The following NUP153 variants were observed in gnomAD, a reference collection of about 807,000 sequenced individuals.
NUP153 encodes the protein nuclear pore complex protein Nup153.
Under a neutral mutation model 134.6 loss-of-function variants are expected in NUP153, and 27 were observed. The ratio of observed to expected loss-of-function variants is 0.20; its 90% CI spans 0.15 to 0.28. The LOEUF is 0.28. Among genes scored for constraint, NUP153 ranks in the 10% least tolerant of loss-of-function variants. NUP153 has a pLI of 1.00. For synonymous variants in NUP153, 640 were observed against 623.5 expected (o/e 1.03, Z -0.40); for missense variants, 1,821 against 1,731.3 (o/e 1.05, Z -0.92).
chr6:17,664,090 T>C (rs1767363217), intron 9 of NUP153, among the ~76,000 whole-genome samples: 1 of 152,092 alleles, frequency 6.6e-6, no homozygotes, highest in African/African-American at 2.4e-5. Context: ...CAAAATCTAG[T>C]ATTCCTTACA....
intron 8 of NUP153, among the ~76,000 whole-genome samples, chr6:17,668,621 T>C (rs1767697470): frequency 1.3e-5 from 2 of 151,960 alleles, no homozygotes; most frequent in Admixed American, 1.3e-4. Flanking sequence ...GGCAGGCAGA[T>C]CACCTGAGCT....
chr6:17,686,989 C>T (rs1216486663), intron 2 of NUP153, among the ~76,000 whole-genome samples: 1 of 151,784 alleles, frequency 6.6e-6, no homozygotes, highest in African/African-American at 2.4e-5. Context: ...AGAAGTTATA[C>T]AAAAAAGCTT....
intron 1 of NUP153, among the ~76,000 whole-genome samples, chr6:17,704,368 T>C (rs1185348932): frequency 6.6e-6 from 1 of 151,350 alleles, no homozygotes; most frequent in Admixed American, 6.6e-5. Flanking sequence ...ATTCAGACCA[T>C]CCAATGACCT....
intron 5 of NUP153, among the ~76,000 whole-genome samples, chr6:17,671,761 C>G (rs988393593): frequency 6.6e-6 from 1 of 152,110 alleles, no homozygotes; most frequent in Non-Finnish European, 1.5e-5. Context: ...AATACCAGCA[C>G]TTTTGGGAGG....
intron 11 of NUP153, among the ~76,000 whole-genome samples, chr6:17,655,557 G>A (rs796222760): frequency 3.3e-5 from 5 of 151,528 alleles, no homozygotes; most frequent in African/African-American, 1.2e-4. Context: ...AGGTTCAAGC[G>A]ATTCTTCTGC....
Position 17,675,182 on chromosome 6 carries a change from A to C in NUP153, c.723+47T>G. 6.3e-7 allele frequency: 1 copy of C among 1,592,086 alleles called. No homozygotes were observed. The highest frequency in any genetic ancestry group is 8.5e-7 in the Non-Finnish European group (1 of 1,171,880). On this transcript the variant is annotated intron_variant, in intron 4 of 21. Transcript: ENST00000262077. This position sits in a 1 kb window ranked among gnomAD's most constrained non-coding sequence, Gnocchi z 4.4. Reference sequence around the variant, plus strand: ...AAAAAAAAAAAAAATTATAAGCAATAAACACTCAAAACTAATGTGATTAAA... The same window carrying C: ...AAAAAAAAAAAAAATTATAAGCAATCAACACTCAAAACTAATGTGATTAAA...
In NUP153 at chr6:17,706,599, C is replaced by T; in HGVS notation, c.-212G>A. ...CTGGCAGCGGGGAAGGGGGTGGCGG[C>T]CGCAGAGGCCGAGGAGGCTCCGGTC... On this transcript the variant is annotated 5_prime_UTR_variant, in exon 1 of 22. Transcript: ENST00000262077. This position sits in a 1 kb window ranked among gnomAD's most constrained non-coding sequence, Gnocchi z 5.9. The T allele has an allele frequency of 1.7e-6, 1 of 577,888 alleles. No homozygotes were observed. The highest frequency in any genetic ancestry group is 3.1e-5 in the East Asian group (1 of 32,764). 35.8% of individuals were successfully genotyped at this position (577,888 alleles called of 1,614,324 possible).
At chr6:17,659,304 C>T (rs1260905663) in intron 11 of NUP153, among the ~76,000 whole-genome samples, 1 of 152,148 alleles carries the variant, frequency 6.6e-6, no homozygotes, top group Non-Finnish European at 1.5e-5. Flanking sequence ...ATTTATTTCT[C>T]GTTGGCAAAA....
chr6:17,676,193 AT>A (rs1257024105), intron 2 of NUP153, among the ~76,000 whole-genome samples: 6 of 152,138 alleles, frequency 3.9e-5, no homozygotes, highest in African/African-American at 1.4e-4. Context: ...CTTGACTCCC[AT>A]CTGAAATTAG....
rs1323788243 is a variant in NUP153, at chr6:17,637,223, C to T, written c.2394G>A (p.Glu798=). The T allele has an allele frequency of 6.2e-7, 1 of 1,614,172 alleles. No homozygotes were observed. Among genetic ancestry groups the T allele is most frequent in the Non-Finnish European group, 8.5e-7 (1 of 1,180,016 alleles). Residue 798 remains glutamate, a synonymous_variant, in exon 16 of 22, where the codon GAG becomes GAA. Coordinates refer to ENST00000262077, the MANE Select transcript of NUP153 (RefSeq NM_005124.4). The part of the protein sequence containing the change: ...DKFKRPIGSW[E]CSVCCVSNNA... ...TATTAGAAACACAGCATACTGAACA[C>T]TCCCAAGATCCAATGGGCCTTTTGA...
chr6:17,651,894 G>C, intron 11 of NUP153: 1 of 678,400 alleles, frequency 1.5e-6, no homozygotes, highest in Middle Eastern at 2.4e-4. Context: ...AGGAGCTCGA[G>C]ATCAGCTTGG....
At chr6:17,659,965 A>G (rs1250626085) in intron 11 of NUP153, among the ~76,000 whole-genome samples, 1 of 152,166 alleles carries the variant, frequency 6.6e-6, no homozygotes, top group Non-Finnish European at 1.5e-5. Context: ...ACAGAGACTA[A>G]AGGAAAGACA....
At chr6:17,672,526 T>C (rs1767977348) in intron 5 of NUP153, among the ~76,000 whole-genome samples, 1 of 152,116 alleles carries the variant, frequency 6.6e-6, no homozygotes. Context: ...CAGTGAGCCA[T>C]GATCGTGCCA....
intron 1 of NUP153, among the ~76,000 whole-genome samples, chr6:17,701,837 G>T (rs934224733): frequency 5.6e-5 from 6 of 106,752 alleles, no homozygotes; most frequent in Admixed American, 1.9e-4. Flanking sequence ...TGTCTCGGGG[G>T]GGGGGGGAAA....
intron 1 of NUP153, among the ~76,000 whole-genome samples, chr6:17,692,292 G>A (rs1341876589): frequency 6.6e-6 from 1 of 152,184 alleles, no homozygotes; most frequent in Non-Finnish European, 1.5e-5. Context: ...CTTAATAGAG[G>A]AACAGTGAGA....
intron 9 of NUP153, among the ~76,000 whole-genome samples, chr6:17,663,112 GGAACTCCTTGTTAATAAGA>G (rs1767291729): frequency 6.6e-6 from 1 of 151,818 alleles, no homozygotes; most frequent in Non-Finnish European, 1.5e-5. Flanking sequence ...ATTATGTAAG[GGAACTCCTTGTTAATAAGA>G]ACACAGAGAA....
chr6:17,693,802 C>T (rs528069437), intron 1 of NUP153, among the ~76,000 whole-genome samples: 269 of 152,236 alleles, frequency 1.8e-3, no homozygotes, highest in Non-Finnish European at 3.2e-3. Flanking sequence ...AGAAAAAACG[C>T]TTGAACCCAG....
chr6:17,658,950 C>T (rs148614370), intron 11 of NUP153, among the ~76,000 whole-genome samples: 2,625 of 152,186 alleles, frequency 0.017, 30 homozygotes, highest in Middle Eastern at 0.037. Context: ...AGAATCCCAG[C>T]GAAACCACTA....
chr6:17,643,774 T>TA (rs1340632728), intron 14 of NUP153, among the ~76,000 whole-genome samples: 4 of 152,318 alleles, frequency 2.6e-5, no homozygotes, highest in Admixed American at 2.6e-4. Flanking sequence ...AGGCCACTCA[T>TA]AATCGACTCC....
Sources: gnomAD v4.1 joint callset for allele counts (sites outside exome capture counted in the v4.1 genomes callset) on GRCh38, gnomAD v4.1.1 for gene constraint, Gnocchi (gnomAD v3.1) non-coding constraint, MANE v1.5 for transcripts, NCBI Gene and HGNC (gene_info 2026-07-23, HGNC 2026-07-21) for gene names.